Variants in KMT2A observed in about 807,000 individuals in gnomAD.
KMT2A encodes the protein histone-lysine N-methyltransferase 2A.
KMT2A carries 16 observed loss-of-function variants against 345.3 expected under a neutral mutation model. The observed-to-expected ratio is 0.05, with a 90% CI of 0.03 to 0.07. The LOEUF (loss-of-function observed/expected upper bound fraction) is 0.07. KMT2A is among the 10% of genes least tolerant of loss of function. KMT2A has a pLI of 1.00. For synonymous variants in KMT2A, 1,599 were observed against 1,778.6 expected (o/e 0.90, Z 2.54); for missense variants, 3,272 against 4,841.6 (o/e 0.68, Z 9.62).
intron 27 of KMT2A, among the ~76,000 whole-genome samples, chr11:118,506,991 T>A (rs1418116427): frequency 2.0e-5 from 3 of 152,172 alleles, no homozygotes; most frequent in African/African-American, 7.2e-5. Flanking sequence ...CACAGAGTCC[T>A]TTTTTTAAAA....
intron 31 of KMT2A, among the ~76,000 whole-genome samples, chr11:118,514,259 C>T (rs1351938737): frequency 2.0e-5 from 3 of 152,112 alleles, no homozygotes; most frequent in African/African-American, 7.2e-5. Flanking sequence ...AGGATACAGT[C>T]GCTGAGTAGC....
At chr11:118,485,944 G>T (rs1328273294) in intron 10 of KMT2A, among the ~76,000 whole-genome samples, 3 of 152,186 alleles carry the variant, frequency 2.0e-5, no homozygotes, top group African/African-American at 7.2e-5. Context: ...TTAGCCGGGT[G>T]TGGTGGCGGG....
At chr11:118,508,076 C>G (rs185632002) in intron 28 of KMT2A, among the ~76,000 whole-genome samples, 1 of 152,130 alleles carries the variant, frequency 6.6e-6, no homozygotes, top group Non-Finnish European at 1.5e-5. Context: ...AAAAATATAA[C>G]AAGAATTATT....
chr11:118,475,410 G>A (rs937185876), intron 3 of KMT2A, among the ~76,000 whole-genome samples: 5 of 152,170 alleles, frequency 3.3e-5, no homozygotes, highest in Non-Finnish European at 7.3e-5. Context: ...GGTTAAGATG[G>A]CCATAAACTT....
intron 31 of KMT2A, 192 bp downstream of exon 31, chr11:118,512,217 G>A: frequency 3.3e-6 from 2 of 599,118 alleles, no homozygotes; most frequent in South Asian, 4.2e-5. Flanking sequence ...TATATTCAGA[G>A]TTGTATAACC....
chr11:118,508,605 C>T (rs1950629608), intron 28 of KMT2A, among the ~76,000 whole-genome samples: 1 of 151,792 alleles, frequency 6.6e-6, no homozygotes, highest in Admixed American at 6.6e-5. Flanking sequence ...CATGGTGGTG[C>T]ACATCCACAG....
At chr11:118,488,478 T>G (rs1950268920) in intron 10 of KMT2A, 136 bp from the exon 11 acceptor site, 1 of 866,230 alleles carries the variant, frequency 1.2e-6, no homozygotes, top group Non-Finnish European at 1.9e-6. Flanking sequence ...ACATAGTCAT[T>G]GCTTAATGAA....
At position 118,504,041 on chromosome 11, in the gene KMT2A, A is replaced by G. The variant is rs971640454; in HGVS notation, c.8149A>G (p.Ile2717Val). 5 of 1,614,244 alleles carry G rather than the reference A, an allele frequency of 3.1e-6. No individual in the cohort carries two copies. Among genetic ancestry groups the G allele is most frequent in the Non-Finnish European group, 4.2e-6 (5 of 1,180,034 alleles). ...REEEQCDLPK[I>V]SQLDGVDDGT... is the part of the protein sequence containing the mutation. ...GGAGGAACAGTGTGATCTTCCAAAA[A>G]TCTCACAGTTGGATGGTGTTGATGA... The change falls in exon 27 of 36, where the codon ATC becomes GTC. Residue 2717 changes from isoleucine to valine, a missense_variant. This residue lies in a region of KMT2A where 47 missense variants were observed against 53.6 expected (regional missense o/e 0.88). Transcript: ENST00000534358. The surrounding 1 kb of genome is among the most constrained non-coding windows in gnomAD (Gnocchi z 6.4).
chr11:118,477,252 CT>C, intron 4 of KMT2A, among the ~76,000 whole-genome samples: 1 of 152,270 alleles, frequency 6.6e-6, no homozygotes, highest in East Asian at 1.9e-4. Context: ...TCTTCCTAGA[CT>C]GCTGTGCAGG....
rs372168235 is a variant in KMT2A at position 118,484,144 on chromosome 11, G to A, written c.4087-39G>A. ...CTGTTGCAAATGTGAAGGCAAATAG[G>A]GTGTGATTTTGTTCTATATTCATCT... is the stretch of plus-strand genomic sequence containing the variant. On this transcript the variant is annotated intron_variant, in intron 8 of 35. Transcript: ENST00000534358. This position sits in a 1 kb window ranked among gnomAD's most constrained non-coding sequence, Gnocchi z 4.1. 5.0e-6 allele frequency: 8 copies of A among 1,602,288 alleles called. No individual in the cohort carries two copies. The African/African-American group carries it at 8.1e-5, about 16-fold the overall frequency.
rs1555044747 is a variant in KMT2A, at chr11:118,498,507, T to C, written c.5940T>C (p.His1980=). The change falls in exon 22 of 36, where the codon CAT becomes CAC. Residue 1980 remains histidine (H), a synonymous_variant. Transcript: ENST00000534358. The surrounding 1 kb of genome is among the most constrained non-coding windows in gnomAD (Gnocchi z 4.4). ...LDDKKVYCQR[H]RDLIKGEVVP... ...ATAAAAAAGTATATTGCCAACGACA[T>C]CGGGATTTGATCAAAGGCGAAGTGA... 6.2e-7 allele frequency: 1 copy of C among 1,609,824 alleles called. No homozygotes were observed. The highest frequency in any genetic ancestry group is 8.5e-7 in the Non-Finnish European group (1 of 1,178,740).
At position 118,523,557 on chromosome 11, in the gene KMT2A, G is replaced by C. The variant is rs537778603; in HGVS notation, c.*1385G>C. On this transcript the variant is annotated 3_prime_UTR_variant, in exon 36 of 36. Transcript: ENST00000534358. ...GTTCTGTTTACAGTTTACTATTTAAGGTTTTATAAATGTAAATATATTTTG... is the reference window on the plus strand; with the variant it reads ...GTTCTGTTTACAGTTTACTATTTAACGTTTTATAAATGTAAATATATTTTG... 2.7e-5 allele frequency: 6 copies of C among 225,184 alleles called. No individual in the cohort carries two copies. In the South Asian group the frequency reaches 1.1e-3, roughly 41 times the overall value. 13.9% of individuals were successfully genotyped at this position (225,184 alleles called of 1,614,324 possible).
chr11:118,481,754 A>G lies in KMT2A; in HGVS notation c.3674A>G (p.Lys1225Arg). The G allele has an allele frequency of 6.2e-7, 1 of 1,613,710 alleles. No individual in the cohort carries two copies. The highest frequency in any genetic ancestry group is 8.5e-7 in the Non-Finnish European group (1 of 1,179,906). ...KKEKKSKTSE[K>R]KDSKESSVVK... ...GAGAAAAAGTCTAAGACCAGTGAAA[A>G]GAAAGACAGCAAAGAGAGCAGTGTT... is the stretch of plus-strand genomic sequence containing the variant. The change falls in exon 7 of 36, where the codon AAG (lysine) becomes AGG (arginine). Residue 1225 changes from lysine to arginine, a missense_variant. Lys to Arg is a conservative substitution (Grantham distance 26). Transcript: ENST00000534358.
chr11:118,437,350 G>A (rs572595669), intron 1 of KMT2A, among the ~76,000 whole-genome samples: 55 of 152,034 alleles, frequency 3.6e-4, no homozygotes, highest in African/African-American at 1.3e-3. Context: ...GGGCAGATGT[G>A]TTACTCCTAG....
chr11:118,473,583 A>G lies in KMT2A; in HGVS notation c.2424A>G (p.Glu808=), dbSNP rs1555036552. The part of the protein sequence containing the change: ...FPSHSLTQSG[E]SAEKNQRPRK... ...CTCATTCCCTGACTCAGTCTGGGGA[A>G]TCTGCAGAGAAAAATCAGAGACCAA... Residue 808 remains glutamate (E), a synonymous_variant, in exon 3 of 36, where the codon GAA becomes GAG. Coordinates refer to ENST00000534358, the MANE Select transcript of KMT2A (RefSeq NM_001197104.2). The surrounding 1 kb of genome is among the most constrained non-coding windows in gnomAD (Gnocchi z 5.2). 1 of 1,613,930 alleles carries G rather than the reference A, an allele frequency of 6.2e-7. No individual in the cohort carries two copies.
intron 1 of KMT2A, among the ~76,000 whole-genome samples, chr11:118,443,817 C>A (rs540332959): frequency 1.3e-5 from 2 of 152,302 alleles, no homozygotes; most frequent in African/African-American, 4.8e-5. Flanking sequence ...TGGGCAGCAT[C>A]GGTCCAGTAG....
intron 31 of KMT2A, among the ~76,000 whole-genome samples, chr11:118,513,318 C>T (rs562389969): frequency 1.3e-5 from 2 of 151,944 alleles, no homozygotes; most frequent in African/African-American, 2.4e-5. Flanking sequence ...TTGTTTTATC[C>T]ATATCTACCT....
At chr11:118,483,189 C>T (rs1459448846) in intron 8 of KMT2A, among the ~76,000 whole-genome samples, 1 of 147,258 alleles carries the variant, frequency 6.8e-6, no homozygotes, top group African/African-American at 2.5e-5. Context: ...GCCGAGATTG[C>T]ATCATTGCAC....
At chr11:118,486,792 G>A (rs965730831) in intron 10 of KMT2A, among the ~76,000 whole-genome samples, 2 of 152,144 alleles carry the variant, frequency 1.3e-5, no homozygotes, top group African/African-American at 4.8e-5. Flanking sequence ...GGAGGCTGAG[G>A]TGAGAGGATC....
Sources: gnomAD v4.1 joint callset for allele counts (sites outside exome capture counted in the v4.1 genomes callset) on GRCh38, gnomAD v4.1.1 for gene constraint, gnomAD v4.1.1 regional missense constraint, Gnocchi (gnomAD v3.1) non-coding constraint, MANE v1.5 for transcripts, NCBI Gene and HGNC (gene_info 2026-07-23, HGNC 2026-07-21) for gene names.